Variants in GAB2 observed in about 807,000 individuals in gnomAD.
The protein encoded by GAB2 is GRB2 associated binding protein 2.
In GAB2, 26 loss-of-function variants were observed where a neutral mutation model predicts 65.5. The observed-to-expected ratio is 0.40, with a 90% CI of 0.29 to 0.55. The LOEUF is 0.55. GAB2 is among the 20% of genes least tolerant of loss of function. The probability of loss-of-function intolerance (pLI) is 0.53; values close to 1 mark genes in which losing one functional copy is unlikely to be tolerated. For synonymous variants in GAB2, 321 were observed against 329.6 expected, an observed-to-expected ratio of 0.97 and a Z score of 0.28; for missense variants, 884 against 875.8, an observed-to-expected ratio of 1.01 and a Z score of -0.12.
At chr11:78,360,167 G>T (rs1856414969) in intron 1 of GAB2, among the ~76,000 whole-genome samples, 1 of 152,086 alleles carries the variant, frequency 6.6e-6, no homozygotes, top group Admixed American at 6.6e-5. Context: ...CTTTCAGAAG[G>T]AACACAGCGC....
intron 1 of GAB2, among the ~76,000 whole-genome samples, chr11:78,295,439 A>G (rs771958946): frequency 1.3e-5 from 2 of 151,974 alleles, no homozygotes; most frequent in Admixed American, 1.3e-4. Flanking sequence ...TTCACTTTCA[A>G]TGTCTTTTCC....
At chr11:78,316,732 C>T (rs1417359234) in intron 1 of GAB2, among the ~76,000 whole-genome samples, 1 of 152,158 alleles carries the variant, frequency 6.6e-6, no homozygotes, top group Non-Finnish European at 1.5e-5. Context: ...AAGGCAATTC[C>T]TCAAAAAATT....
At chr11:78,290,106 A>C (rs1866615529) in intron 1 of GAB2, among the ~76,000 whole-genome samples, 1 of 152,168 alleles carries the variant, frequency 6.6e-6, no homozygotes, top group African/African-American at 2.4e-5. Flanking sequence ...ACAAACCAGA[A>C]AAATAAAAAA....
At chr11:78,220,257 C>G in intron 9 of GAB2, 62 bp downstream of exon 9, 1 of 1,594,998 alleles carries the variant, frequency 6.3e-7, no homozygotes, top group Non-Finnish European at 8.6e-7. Flanking sequence ...CCCTGGCCTC[C>G]ATGATCTCTG....
chr11:78,317,672 T>A (rs901462938), intron 1 of GAB2, among the ~76,000 whole-genome samples: 1 of 152,002 alleles, frequency 6.6e-6, no homozygotes, highest in Non-Finnish European at 1.5e-5. Flanking sequence ...ATATTAAGCA[T>A]TCAGCAAAGA....
chr11:78,379,566 A>G (rs1162335941), intron 1 of GAB2, among the ~76,000 whole-genome samples: 1 of 152,236 alleles, frequency 6.6e-6, no homozygotes, highest in African/African-American at 2.4e-5. Context: ...TGATACCTTC[A>G]CCATCCTATG....
At chr11:78,371,004 T>C (rs1326485872) in intron 1 of GAB2, among the ~76,000 whole-genome samples, 1 of 152,092 alleles carries the variant, frequency 6.6e-6, no homozygotes, top group African/African-American at 2.4e-5. Context: ...CTCTCCACAA[T>C]GGACTTAACA....
intron 5 of GAB2, among the ~76,000 whole-genome samples, chr11:78,224,486 G>C (rs939216630): frequency 6.6e-6 from 1 of 152,214 alleles, no homozygotes; most frequent in South Asian, 2.1e-4. Context: ...CCAAGCTGCA[G>C]TCAGAGCTTC....
At chr11:78,257,192 C>G (rs1185857819) in intron 2 of GAB2, among the ~76,000 whole-genome samples, 1 of 152,128 alleles carries the variant, frequency 6.6e-6, no homozygotes, top group Non-Finnish European at 1.5e-5. Flanking sequence ...GCCAACCCAG[C>G]CATCGACTGG....
chr11:78,365,624 T>G (rs138238615), intron 1 of GAB2, among the ~76,000 whole-genome samples: 1 of 152,290 alleles, frequency 6.6e-6, no homozygotes, highest in Non-Finnish European at 1.5e-5. Flanking sequence ...TGATTGTTAC[T>G]GTGGAGCTGG....
chr11:78,294,535 G>C (rs1316676213), intron 1 of GAB2, among the ~76,000 whole-genome samples: 1 of 152,190 alleles, frequency 6.6e-6, no homozygotes, highest in African/African-American at 2.4e-5. Flanking sequence ...CCCACCAACA[G>C]TGTAAAAGTG....
intron 3 of GAB2, among the ~76,000 whole-genome samples, chr11:78,241,179 A>G (rs997859380): frequency 1.4e-4 from 21 of 152,182 alleles, no homozygotes; most frequent in Non-Finnish European, 2.9e-4. Flanking sequence ...CCACTGAGGC[A>G]CTCCCAGTTA....
rs59402607 is a variant in GAB2, at chr11:78,307,604, T to TAGAGAGAG, written c.76-26711_76-26704dup. 1.6e-3 allele frequency among the ~76,000 whole-genome samples: 189 copies of TAGAGAGAG among 121,930 alleles called. 5 individuals carry two copies. Among genetic ancestry groups the TAGAGAGAG allele is most frequent in the East Asian group, 5.6e-3 (22 of 3,930 alleles). 80.0% of individuals were successfully genotyped at this position (121,930 alleles called of 152,430 possible). ...GAGATCCCATCTCTACAAAAAATGT[T>TAGAGAGAG]AGAGAGAGAGAGAGAGAGAGAGAGA... On this transcript the variant is annotated intron_variant, in intron 1 of 9. Transcript: ENST00000361507.
At chr11:78,332,590 T>C (rs10899474) in intron 1 of GAB2, among the ~76,000 whole-genome samples, 25,088 of 152,160 alleles carry the variant, frequency 0.16, 2,618 homozygotes, top group East Asian at 0.41. Context: ...GAATTTTGGT[T>C]ATCAAAAAAT....
At chr11:78,293,855 G>A (rs986429571) in intron 1 of GAB2, among the ~76,000 whole-genome samples, 26 of 152,218 alleles carry the variant, frequency 1.7e-4, no homozygotes, top group Admixed American at 2.6e-4. Flanking sequence ...GTGAGAGTGA[G>A]GGAGAGCGAG....
At chr11:78,317,434 G>C (rs11237452) in intron 1 of GAB2, among the ~76,000 whole-genome samples, 33,716 of 151,478 alleles carry the variant, frequency 0.22, 4,151 homozygotes, top group East Asian at 0.4. Flanking sequence ...GTGGCGGGCA[G>C]CTGTAGTCCC....
intron 1 of GAB2, among the ~76,000 whole-genome samples, chr11:78,342,650 C>T (rs1429473651): frequency 6.6e-6 from 1 of 152,106 alleles, no homozygotes; most frequent in Non-Finnish European, 1.5e-5. Flanking sequence ...CCTCGTGATC[C>T]GCCGGCCTCG....
rs1002406429 is a variant in GAB2 at position 78,382,261 on chromosome 11, C to T, written c.75+35385G>A. 3.3e-5 allele frequency among the ~76,000 whole-genome samples: 5 copies of T among 152,290 alleles called. No individual in the cohort carries two copies. The East Asian group carries it at 5.8e-4, about 18-fold the overall frequency. ...GATTGATTTCCTTCTACACCTGGCTCCTGAAGGCCAAGGACTGTATCATTT... is the reference window on the plus strand; with the variant it reads ...GATTGATTTCCTTCTACACCTGGCTTCTGAAGGCCAAGGACTGTATCATTT... On this transcript the variant is annotated intron_variant, in intron 1 of 9. Coordinates refer to ENST00000361507, the MANE Select transcript of GAB2 (RefSeq NM_080491.3).
chr11:78,233,754 G>A (rs114370558), intron 3 of GAB2, among the ~76,000 whole-genome samples: 2,046 of 152,198 alleles, frequency 0.013, 47 homozygotes, highest in African/African-American at 0.047. Flanking sequence ...CTATAGATGA[G>A]CACATCCACG....
Sources: gnomAD v4.1 joint callset for allele counts (sites outside exome capture counted in the v4.1 genomes callset) on GRCh38, gnomAD v4.1.1 for gene constraint, MANE v1.5 for transcripts, NCBI Gene and HGNC (gene_info 2026-07-23, HGNC 2026-07-21) for gene names.